ZFP1: variants seen among roughly 807,000 people sequenced by gnomAD.
ZFP1 encodes the protein zinc finger protein 1 homolog.
In ZFP1, 32 loss-of-function variants were observed where a neutral mutation model predicts 38.5. That is an observed-to-expected ratio of 0.83 (90% CI 0.63 to 1.12). The LOEUF (loss-of-function observed/expected upper bound fraction) is 1.12. Among genes scored for constraint, ZFP1 ranks in the 50% most tolerant of loss-of-function variants. The probability of loss-of-function intolerance (pLI) is 0.00; values close to 1 mark genes in which losing one functional copy is unlikely to be tolerated. For synonymous variants in ZFP1, 245 were observed against 168.8 expected, an observed-to-expected ratio of 1.45 and a Z score of -3.50; for missense variants, 616 against 480.8, an observed-to-expected ratio of 1.28 and a Z score of -2.63.
At chr16:75,151,362 T>TA (rs1251430452) in intron 1 of ZFP1, among the ~76,000 whole-genome samples, 1 of 152,190 alleles carries the variant, frequency 6.6e-6, no homozygotes, top group African/African-American at 2.4e-5. Flanking sequence ...ATAGTTGTGT[T>TA]AAAGTCTACC....
At chr16:75,129,903 G>A in the ZFP1 span, among the ~76,000 whole-genome samples, 1 of 152,342 alleles carries the variant, frequency 6.6e-6, no homozygotes, top group African/African-American at 2.4e-5. Flanking sequence ...AAGCTTTAGA[G>A]TGGGAACAAA....
the ZFP1 span, among the ~76,000 whole-genome samples, chr16:75,126,752 A>G: frequency 2.0e-5 from 3 of 152,198 alleles, no homozygotes; most frequent in African/African-American, 2.4e-5. Context: ...TTGTAATATC[A>G]AGTGTTTTAT....
In ZFP1 at chr16:75,170,484, A is replaced by G; in HGVS notation, c.*150A>G. 1 of 1,180,014 alleles carries G rather than the reference A, an allele frequency of 8.5e-7. No individual in the cohort carries two copies. The highest frequency in any genetic ancestry group is 1.1e-6 in the Non-Finnish European group (1 of 893,802). 73.1% of individuals were successfully genotyped at this position (1,180,014 alleles called of 1,614,324 possible). ...GTATTAAAAATAGGATCCCATGAGA[A>G]CATTATACTGGAAGTTACATGTGAT... On this transcript the variant is annotated 3_prime_UTR_variant, in exon 4 of 4. Transcript: ENST00000570010.
the ZFP1 span, among the ~76,000 whole-genome samples, chr16:75,122,673 A>G: frequency 1.3e-5 from 2 of 152,270 alleles, no homozygotes; most frequent in Non-Finnish European, 1.5e-5. Context: ...TAAGATTACC[A>G]TAACTTCTCA....
rs1364519043 is a variant in ZFP1, at chr16:75,168,090, C to T, written c.143-1163C>T. Among the ~76,000 whole-genome samples the T allele has an allele frequency of 5.9e-5, 9 of 152,074 alleles. No homozygotes were observed. In the East Asian group the frequency reaches 1.8e-3, roughly 30 times the overall value. On this transcript the variant is annotated intron_variant, in intron 3 of 3. Coordinates refer to ENST00000570010, the MANE Select transcript of ZFP1 (RefSeq NM_153688.4). ...AAACAAAAATAAGACCTCCTGACTTCAAGTGATCCTCCTGCCTTGGCCTCC... is the reference window on the plus strand; with the variant it reads ...AAACAAAAATAAGACCTCCTGACTTTAAGTGATCCTCCTGCCTTGGCCTCC...
intron 2 of ZFP1, among the ~76,000 whole-genome samples, chr16:75,157,804 G>T (rs7193344): frequency 0.67 from 101,019 of 151,740 alleles, 33,848 homozygotes; most frequent in Admixed American, 0.73. Flanking sequence ...TTGGTTGGTT[G>T]GTTTGTTTTG....
At chr16:75,134,003 C>A in the ZFP1 span, among the ~76,000 whole-genome samples, 1 of 152,024 alleles carries the variant, frequency 6.6e-6, no homozygotes, top group Non-Finnish European at 1.5e-5. Flanking sequence ...GAGCCAAGAT[C>A]GTGCCACTGC....
At position 75,150,709 on chromosome 16, in the gene ZFP1, G is replaced by T. The variant is rs184123697; in HGVS notation, c.-44+2066G>T. On this transcript the variant is annotated intron_variant, in intron 1 of 3. Transcript: ENST00000570010. ...CTCCCAAAGTGCTTTACAGGCGTGA[G>T]CCACTGCACCAGGCCTGTTGTAGTT... Among the ~76,000 whole-genome samples, 270 of 152,116 alleles carry T rather than the reference G, an allele frequency of 1.8e-3. 1 individual carries two copies. Among genetic ancestry groups the T allele is most frequent in the Non-Finnish European group, 3.1e-3 (212 of 67,986 alleles).
At chr16:75,132,119 G>A in the ZFP1 span, among the ~76,000 whole-genome samples, 1 of 152,176 alleles carries the variant, frequency 6.6e-6, no homozygotes, top group African/African-American at 2.4e-5. Flanking sequence ...CAGGCATGGT[G>A]GCTCACACTT....
chr16:75,145,719 T>C (rs2036935637), upstream of ZFP1, among the ~76,000 whole-genome samples: 1 of 152,168 alleles, frequency 6.6e-6, no homozygotes, highest in East Asian at 1.9e-4. Flanking sequence ...GGGACGATTA[T>C]CTTCCCACGC....
At chr16:75,120,518 GTTTTTTTTTGT>G in the ZFP1 span, among the ~76,000 whole-genome samples, 1 of 139,844 alleles carries the variant, frequency 7.2e-6, no homozygotes, top group African/African-American at 2.8e-5. Flanking sequence ...TTTTTTTTGG[GTTTTTTTTTGT>G]TTTTTTTTTT....
chr16:75,152,897 C>T lies in ZFP1; in HGVS notation c.-43-12C>T. On this transcript the variant is annotated splice_polypyrimidine_tract_variant and intron_variant, in intron 1 of 3. Coordinates refer to ENST00000570010, the MANE Select transcript of ZFP1 (RefSeq NM_153688.4). ...CTTTAATAACAATGCCTTCCTTTTTCCTCTATTCCAGTTCTGCCTTCATAG... is the reference window on the plus strand; with the variant it reads ...CTTTAATAACAATGCCTTCCTTTTTTCTCTATTCCAGTTCTGCCTTCATAG... 1 of 1,607,654 alleles carries T rather than the reference C, an allele frequency of 6.2e-7. No individual in the cohort carries two copies. The highest frequency in any genetic ancestry group is 1.3e-5 in the African/African-American group (1 of 74,540).
At chr16:75,167,493 A>G (rs1470923613) in intron 3 of ZFP1, among the ~76,000 whole-genome samples, 2 of 151,772 alleles carry the variant, frequency 1.3e-5, no homozygotes, top group African/African-American at 2.4e-5. Flanking sequence ...TGTCTTGTAC[A>G]TGTACCATTC....
the ZFP1 span, among the ~76,000 whole-genome samples, chr16:75,137,495 C>G: frequency 8.1e-6 from 1 of 123,318 alleles, no homozygotes; most frequent in Non-Finnish European, 1.6e-5. Flanking sequence ...CCAAGTCTCG[C>G]TCTGTCCCAG....
intron 2 of ZFP1, among the ~76,000 whole-genome samples, chr16:75,156,279 C>T (rs1388344241): frequency 6.6e-6 from 1 of 152,102 alleles, no homozygotes; most frequent in Non-Finnish European, 1.5e-5. Flanking sequence ...CATGGCGAAA[C>T]CCTGTCTTTA....
At chr16:75,127,004 A>T in the ZFP1 span, among the ~76,000 whole-genome samples, 1 of 152,218 alleles carries the variant, frequency 6.6e-6, no homozygotes, top group African/African-American at 2.4e-5. Context: ...AGAAACTCCT[A>T]TAATTCTGAT....
intron 2 of ZFP1, among the ~76,000 whole-genome samples, chr16:75,159,535 G>A (rs1377160173): frequency 1.3e-5 from 2 of 150,332 alleles, no homozygotes; most frequent in Non-Finnish European, 2.9e-5. Flanking sequence ...AGCCTCTTGT[G>A]AAGCTGGGTC....
chr16:75,138,024 C>CTTTTTTTTTT, the ZFP1 span, among the ~76,000 whole-genome samples: 16 of 64,974 alleles, frequency 2.5e-4, 1 homozygote, highest in African/African-American at 1.0e-3. Flanking sequence ...CTCCCACTTC[C>CTTTTTTTTTT]TTTTTTTTTT....
At chr16:75,147,060 A>G (rs1332413103), upstream of ZFP1, among the ~76,000 whole-genome samples, 2 of 152,148 alleles carry the variant, frequency 1.3e-5, no homozygotes, top group Non-Finnish European at 2.9e-5. Context: ...GATTCCACCT[A>G]TATGACAACC....
Sources: allele counts gnomAD v4.1 joint callset (sites outside exome capture counted in the v4.1 genomes callset), GRCh38; gene constraint gnomAD v4.1.1; transcripts MANE v1.5; gene names NCBI Gene and HGNC (gene_info 2026-07-23, HGNC 2026-07-21).